MMP26: variants seen among roughly 807,000 people sequenced by gnomAD.
MMP26 encodes matrix metallopeptidase 26.
A neutral mutation model predicts 31.0 loss-of-function variants in MMP26; 33 were observed. The observed-to-expected ratio is 1.06, with a 90% CI of 0.81 to 1.42. The LOEUF (loss-of-function observed/expected upper bound fraction) is 1.42, where lower values mean the gene tolerates loss of function less well. Ranked by LOEUF, MMP26 falls within the 40% of genes most tolerant of loss-of-function variation. The probability of loss-of-function intolerance (pLI) is 0.00; values close to 1 mark genes in which losing one functional copy is unlikely to be tolerated. For synonymous variants in MMP26, 122 were observed against 114.9 expected, an observed-to-expected ratio of 1.06 and a Z score of -0.40; for missense variants, 347 against 316.1, an observed-to-expected ratio of 1.10 and a Z score of -0.74.
chr11:4,779,762 C>G (rs1232951725), intron 2 of MMP26, among the ~76,000 whole-genome samples: 1 of 152,014 alleles, frequency 6.6e-6, no homozygotes, highest in Non-Finnish European at 1.5e-5. Flanking sequence ...TCAACATATT[C>G]CTTAGCTTAA....
Position 4,989,868 on chromosome 11 carries a change from G to A in MMP26, c.320G>A (p.Arg107Lys), listed in dbSNP as rs369052414. Residue 107 changes from arginine (R) to lysine (K), a missense_variant and splice_region_variant, in exon 4 of 8, where the codon AGG becomes AAG. Arg to Lys is a conservative substitution (Grantham distance 26). Transcript: ENST00000380390. Reference sequence around the variant, plus strand: ...TGGAATAAGCACACTCTAACTTACAGGTGCTTGTTACTAAGGCCTAGAGGA... The same window carrying A: ...TGGAATAAGCACACTCTAACTTACAAGTGCTTGTTACTAAGGCCTAGAGGA... ...CKWNKHTLTY[R>K]IINYPHDMKP... The A allele has an allele frequency of 2.2e-5, 36 of 1,604,732 alleles. No individual in the cohort carries two copies. The highest frequency in any genetic ancestry group is 3.1e-5 in the Non-Finnish European group (36 of 1,178,936).
intron 2 of MMP26, chr11:4,822,562 G>C (rs1849525300): frequency 2.1e-6 from 1 of 472,228 alleles, no homozygotes; most frequent in South Asian, 1.1e-4. Context: ...TTATGATTTT[G>C]TTTTCAATAT....
intron 2 of MMP26, chr11:4,923,734 G>GAGCC (rs1454691932): frequency 6.2e-7 from 1 of 1,614,068 alleles, no homozygotes; most frequent in Non-Finnish European, 8.5e-7. Context: ...CCACAACAAA[G>GAGCC]AGCCCATAGA....
chr11:4,713,093 A>G lies in MMP26; in HGVS notation c.-217+8048A>G, dbSNP rs562514544. Among the ~76,000 whole-genome samples, 169 of 152,014 alleles carry G rather than the reference A, an allele frequency of 1.1e-3. 1 individual carries two copies. Among genetic ancestry groups the G allele is most frequent in the African/African-American group, 3.9e-3 (163 of 41,466 alleles). On this transcript the variant is annotated intron_variant, in intron 1 of 7. Coordinates refer to ENST00000380390, the MANE Select transcript of MMP26 (RefSeq NM_021801.5). ...CGGATATATCAGAGTTTAGGGGGAA[A>G]ATGTGATGTTTGTACCATTCAGGTT...
intron 2 of MMP26, among the ~76,000 whole-genome samples, chr11:4,873,906 C>T (rs1407749085): frequency 2.0e-5 from 3 of 151,926 alleles, no homozygotes; most frequent in Non-Finnish European, 1.5e-5. Flanking sequence ...ATTTTTAAAG[C>T]GAATTTTCTT....
intron 2 of MMP26, among the ~76,000 whole-genome samples, chr11:4,983,129 A>C (rs1056492735): frequency 6.6e-6 from 1 of 152,210 alleles, no homozygotes; most frequent in African/African-American, 2.4e-5. Flanking sequence ...TGAATAAATA[A>C]ATTGCAAATG....
intron 2 of MMP26, among the ~76,000 whole-genome samples, chr11:4,927,607 T>C (rs1319597622): frequency 6.6e-6 from 1 of 152,082 alleles, no homozygotes; most frequent in Non-Finnish European, 1.5e-5. Context: ...CTGTTTTCTA[T>C]GTGCTTCTGC....
rs755299438 is a variant in MMP26, at chr11:4,821,521, T to C, written c.-145+54180T>C. 7 of 1,612,090 alleles carry C rather than the reference T, an allele frequency of 4.3e-6. No homozygotes were observed. The Admixed American group carries it at 1.2e-4, about 27-fold the overall frequency. ...CCAGTACTGGATCTCCATCCCTTTT[T>C]GTCTCCTATATGTTGTTGCCGTCTC... On this transcript the variant is annotated intron_variant, in intron 2 of 7. Coordinates refer to ENST00000380390, the MANE Select transcript of MMP26 (RefSeq NM_021801.5).
chr11:4,940,545 G>C (rs1846192363), intron 2 of MMP26, among the ~76,000 whole-genome samples: 1 of 152,176 alleles, frequency 6.6e-6, no homozygotes, highest in Admixed American at 6.5e-5. Context: ...AAAGTGATCA[G>C]AAGTAGGAAA....
intron 1 of MMP26, among the ~76,000 whole-genome samples, chr11:4,761,396 G>A (rs1848567543): frequency 6.6e-6 from 1 of 152,148 alleles, no homozygotes; most frequent in African/African-American, 2.4e-5. Flanking sequence ...ATGTGAAGGT[G>A]ACCCATTTAT....
intron 2 of MMP26, among the ~76,000 whole-genome samples, chr11:4,801,796 C>T (rs953041143): frequency 6.6e-6 from 1 of 152,022 alleles, no homozygotes; most frequent in Non-Finnish European, 1.5e-5. Context: ...TGCCTCGGCT[C>T]CCGAAGTGCT....
At chr11:4,806,988 A>C (rs1261663771) in intron 2 of MMP26, among the ~76,000 whole-genome samples, 1 of 152,136 alleles carries the variant, frequency 6.6e-6, no homozygotes, top group Non-Finnish European at 1.5e-5. Context: ...ATGCATACCC[A>C]GACCATCCTC....
chr11:4,841,919 G>A (rs1283454950), intron 2 of MMP26, among the ~76,000 whole-genome samples: 2 of 152,126 alleles, frequency 1.3e-5, no homozygotes, highest in East Asian at 1.9e-4. Context: ...GGCAACAAGA[G>A]CAAAACTCTG....
In MMP26 at chr11:4,923,379, C is replaced by G. The variant is rs780888291; in HGVS notation, c.-144-64689C>G. ...CTTCCTCTCTTTACTCTAACTTAAT[C>G]CTTCCAAAAACACCTAAGTGACTTT... On this transcript the variant is annotated intron_variant, in intron 2 of 7. Coordinates refer to ENST00000380390, the MANE Select transcript of MMP26 (RefSeq NM_021801.5). 2.2e-5 allele frequency: 34 copies of G among 1,545,130 alleles called. No homozygotes were observed. The East Asian group carries it at 7.2e-4, about 33-fold the overall frequency.
At chr11:4,772,950 C>G (rs890312799) in intron 2 of MMP26, among the ~76,000 whole-genome samples, 5 of 152,136 alleles carry the variant, frequency 3.3e-5, no homozygotes, top group Admixed American at 6.6e-5. Context: ...GTGATGGGTT[C>G]AATTGAAGCA....
At chr11:4,982,746 G>T (rs577913571) in intron 2 of MMP26, among the ~76,000 whole-genome samples, 1 of 152,262 alleles carries the variant, frequency 6.6e-6, no homozygotes, top group East Asian at 1.9e-4. Flanking sequence ...ATCCCTACGG[G>T]ATCCATTTCT....
intron 2 of MMP26, among the ~76,000 whole-genome samples, chr11:4,789,049 T>C (rs574220515): frequency 6.6e-6 from 1 of 152,152 alleles, no homozygotes; most frequent in East Asian, 1.9e-4. Flanking sequence ...TGTGGGTAAG[T>C]GGAAGTAAAG....
chr11:4,729,727 G>C (rs1464903924), intron 1 of MMP26, among the ~76,000 whole-genome samples: 2 of 150,206 alleles, frequency 1.3e-5, no homozygotes, highest in African/African-American at 5.0e-5. Flanking sequence ...ACAGGTGTGA[G>C]CATATATATA....
chr11:4,859,616 C>T (rs1850111758), intron 2 of MMP26: 2 of 436,876 alleles, frequency 4.6e-6, no homozygotes, highest in Middle Eastern at 3.5e-4. Context: ...TCTACTAGAC[C>T]CTATTTTTTT....
Sources: allele counts gnomAD v4.1 joint callset (sites outside exome capture counted in the v4.1 genomes callset), GRCh38; gene constraint gnomAD v4.1.1; transcripts MANE v1.5; gene names NCBI Gene and HGNC (gene_info 2026-07-23, HGNC 2026-07-21).